CUX2: variants seen among roughly 807,000 people sequenced by gnomAD.
CUX2 encodes cut like homeobox 2, also known as homeobox protein cut-like 2.
A neutral mutation model predicts 144.8 loss-of-function variants in CUX2; 40 were observed. The observed-to-expected ratio is 0.28, with a 90% CI of 0.21 to 0.36. CUX2 has a LOEUF of 0.36. Ranked by LOEUF, CUX2 falls within the 10% of genes least tolerant of loss-of-function variation. The pLI, the probability that CUX2 is intolerant of heterozygous loss-of-function variation, is 1.00. For missense variants in CUX2, 1,615 were observed against 1,994.0 expected (o/e 0.81, Z 3.62); for synonymous variants, 827 against 875.6 (o/e 0.94, Z 0.98).
intron 9 of CUX2, among the ~76,000 whole-genome samples, chr12:111,299,331 C>G (rs958834192): frequency 5.3e-5 from 8 of 152,196 alleles, no homozygotes; most frequent in Non-Finnish European, 1.2e-4. Flanking sequence ...GTTTCAGAGT[C>G]CTGATGCTGT....
intron 3 of CUX2, among the ~76,000 whole-genome samples, chr12:111,249,437 C>CCTT (rs1883454008): frequency 9.9e-6 from 1 of 101,214 alleles, no homozygotes; most frequent in Non-Finnish European, 1.9e-5. Context: ...TTAATAGACC[C>CCTT]TTTTTTTGTT....
rs569643001 is a variant in CUX2 at position 111,171,788 on chromosome 12, C to T, written c.64-42412C>T. ...CCTTTTCGCCTCCCGGGGAAGGAGC[C>T]GGAGAGAAGGCAGAGCTTGGGAAAT... On this transcript the variant is annotated intron_variant, in intron 1 of 21. Transcript: ENST00000261726. The surrounding 1 kb of genome is among the most constrained non-coding windows in gnomAD (Gnocchi z 5.0). 8.3e-4 allele frequency among the ~76,000 whole-genome samples: 126 copies of T among 152,328 alleles called. 1 individual carries two copies. The highest frequency in any genetic ancestry group is 2.8e-3 in the African/African-American group (118 of 41,570).
At chr12:111,145,830 C>T (rs145269401) in intron 1 of CUX2, among the ~76,000 whole-genome samples, 1 of 150,620 alleles carries the variant, frequency 6.6e-6, no homozygotes, top group Admixed American at 6.6e-5. Context: ...CCACACCCAG[C>T]TTTTTTGTTT....
intron 3 of CUX2, among the ~76,000 whole-genome samples, chr12:111,243,462 A>G (rs942486418): frequency 6.7e-6 from 1 of 149,756 alleles, no homozygotes; most frequent in Admixed American, 6.6e-5. Context: ...ATCAGGACTC[A>G]AATAGGTTCA....
At chr12:111,154,538 C>G (rs1018674955) in intron 1 of CUX2, among the ~76,000 whole-genome samples, 1 of 152,152 alleles carries the variant, frequency 6.6e-6, no homozygotes, top group Non-Finnish European at 1.5e-5. Context: ...TGCCCCCAGA[C>G]AAGGAAATTG....
At chr12:111,124,265 C>G (rs559366484) in intron 1 of CUX2, among the ~76,000 whole-genome samples, 1 of 152,196 alleles carries the variant, frequency 6.6e-6, no homozygotes, top group Non-Finnish European at 1.5e-5. Context: ...GACATGGGAG[C>G]CTTCAGAATG....
rs530035872 is a variant in CUX2 at position 111,053,952 on chromosome 12, C to T, written c.63+19712C>T. The stretch of plus-strand genomic sequence containing the variant: ...GGTGGATCATCTGAGGTCAGGAGTT[C>T]GAGACCAGCCTGGCCAATGTGGTGA... On this transcript the variant is annotated intron_variant, in intron 1 of 21. Coordinates refer to ENST00000261726, the MANE Select transcript of CUX2 (RefSeq NM_015267.4). Among the ~76,000 whole-genome samples, 37 of 152,168 alleles carry T rather than the reference C, an allele frequency of 2.4e-4. No individual in the cohort carries two copies. The East Asian group carries it at 3.9e-3, about 16-fold the overall frequency.
chr12:111,177,295 C>G (rs1051936583), intron 1 of CUX2, among the ~76,000 whole-genome samples: 4 of 152,050 alleles, frequency 2.6e-5, no homozygotes, highest in African/African-American at 9.7e-5. Context: ...ATAAAATTGC[C>G]CCCACTTTTC....
In CUX2 at chr12:111,039,162, T is replaced by C. The variant is rs2136000278; in HGVS notation, c.63+4922T>C. Among the ~76,000 whole-genome samples, 1 of 152,244 alleles carries C rather than the reference T, an allele frequency of 6.6e-6. No homozygotes were observed. The highest frequency in any genetic ancestry group is 2.4e-5 in the African/African-American group (1 of 41,554). On this transcript the variant is annotated intron_variant, in intron 1 of 21. Coordinates refer to ENST00000261726, the MANE Select transcript of CUX2 (RefSeq NM_015267.4). This position sits in a 1 kb window ranked among gnomAD's most constrained non-coding sequence, Gnocchi z 4.2. ...GCTTCTGAAAGGGCTGAATTTCCGG[T>C]GGCTTCCTGGCTATCTAATTCAAAG... is the stretch of plus-strand genomic sequence containing the variant.
intron 18 of CUX2, among the ~76,000 whole-genome samples, chr12:111,331,068 T>A (rs995478666): frequency 6.6e-6 from 1 of 151,236 alleles, no homozygotes; most frequent in African/African-American, 2.4e-5. Flanking sequence ...GGAGCCTAGA[T>A]GTTTGTGAAG....
intron 1 of CUX2, among the ~76,000 whole-genome samples, chr12:111,154,497 G>A (rs1267325506): frequency 3.3e-5 from 5 of 152,048 alleles, no homozygotes; most frequent in Admixed American, 6.5e-5. Context: ...TTTGATCATC[G>A]TAACCTTGAC....
At chr12:111,292,764 G>T (rs1885760073) in intron 5 of CUX2, among the ~76,000 whole-genome samples, 1 of 152,164 alleles carries the variant, frequency 6.6e-6, no homozygotes, top group Non-Finnish European at 1.5e-5. Flanking sequence ...TGTTTAATGG[G>T]TATGAGGGGT....
Position 111,039,036 on chromosome 12 carries a change from C to T in CUX2, c.63+4796C>T, listed in dbSNP as rs139475350. 6.4e-4 allele frequency among the ~76,000 whole-genome samples: 97 copies of T among 151,876 alleles called. No individual in the cohort carries two copies. Among genetic ancestry groups the T allele is most frequent in the African/African-American group, 2.3e-3 (95 of 41,396 alleles). On this transcript the variant is annotated intron_variant, in intron 1 of 21. Coordinates refer to ENST00000261726, the MANE Select transcript of CUX2 (RefSeq NM_015267.4). The surrounding 1 kb of genome is among the most constrained non-coding windows in gnomAD (Gnocchi z 4.2). ...CATTCTGTCATGGTAACCTTTCTTCCGGCAGATGGGATTTCAAACGTGAGC... is the reference window on the plus strand; with the variant it reads ...CATTCTGTCATGGTAACCTTTCTTCTGGCAGATGGGATTTCAAACGTGAGC...
chr12:111,056,386 G>A (rs1425564336), intron 1 of CUX2, among the ~76,000 whole-genome samples: 1 of 152,150 alleles, frequency 6.6e-6, no homozygotes, highest in African/African-American at 2.4e-5. Context: ...GCTTCATCTG[G>A]GCAGATTCAA....
chr12:111,184,301 G>A (rs562522446), intron 1 of CUX2, among the ~76,000 whole-genome samples: 91 of 152,206 alleles, frequency 6.0e-4, no homozygotes, highest in African/African-American at 2.1e-3. Context: ...TCCATGAGTC[G>A]GGGATTGGAA....
intron 19 of CUX2, among the ~76,000 whole-genome samples, chr12:111,336,834 T>G (rs545324163): frequency 3.6e-4 from 55 of 152,202 alleles, no homozygotes; most frequent in Middle Eastern, 3.4e-3. Flanking sequence ...CTTTTTTTTC[T>G]GTGTAGACGA....
rs77722138 is a variant in CUX2, at chr12:111,044,990, C to G, written c.63+10750C>G. Among the ~76,000 whole-genome samples, 462 of 152,340 alleles carry G rather than the reference C, an allele frequency of 3.0e-3. 2 individuals are homozygous for G. Among genetic ancestry groups the G allele is most frequent in the African/African-American group, 0.011 (439 of 41,576 alleles). On this transcript the variant is annotated intron_variant, in intron 1 of 21. Coordinates refer to ENST00000261726, the MANE Select transcript of CUX2 (RefSeq NM_015267.4). The stretch of plus-strand genomic sequence containing the variant: ...TATCTATTTATTAATTGCTGGAAGG[C>G]TGCAGGCCATAAGCGATGATTTGGT...
intron 1 of CUX2, among the ~76,000 whole-genome samples, chr12:111,187,327 A>G (rs1478790869): frequency 1.3e-5 from 2 of 152,114 alleles, no homozygotes; most frequent in South Asian, 2.1e-4. Context: ...GTGCCCCCTC[A>G]TAACGGACTC....
At chr12:111,344,752 G>A (rs1888721322) in intron 21 of CUX2, among the ~76,000 whole-genome samples, 1 of 152,168 alleles carries the variant, frequency 6.6e-6, no homozygotes, top group African/African-American at 2.4e-5. Flanking sequence ...CACAGGACCT[G>A]AGCAGGGAGG....
Sources: gnomAD v4.1 joint callset for allele counts (sites outside exome capture counted in the v4.1 genomes callset) on GRCh38, gnomAD v4.1.1 for gene constraint, Gnocchi (gnomAD v3.1) non-coding constraint, MANE v1.5 for transcripts, NCBI Gene and HGNC (gene_info 2026-07-23, HGNC 2026-07-21) for gene names.